Variants in BANK1 observed in about 807,000 individuals in gnomAD.
BANK1 encodes B cell scaffold protein with ankyrin repeats 1.
In BANK1, 95 loss-of-function variants were observed where a neutral mutation model predicts 94.5. The ratio of observed to expected loss-of-function variants is 1.00; its 90% CI spans 0.85 to 1.19. The LOEUF (loss-of-function observed/expected upper bound fraction) is 1.19. Among genes scored for constraint, BANK1 ranks in the 50% most tolerant of loss-of-function variants. The probability of loss-of-function intolerance (pLI) is 0.00; values close to 1 mark genes in which losing one functional copy is unlikely to be tolerated. For synonymous variants in BANK1, 334 were observed against 308.4 expected (o/e 1.08, Z -0.87); for missense variants, 987 against 932.2 (o/e 1.06, Z -0.77).
rs1725789144 is a variant in BANK1, at chr4:101,813,435, T to C, written c.71-16373T>C. On this transcript the variant is annotated intron_variant, in intron 1 of 16. Transcript: ENST00000322953. ...TGACTGTAATCATCTACTATGATAC[T>C]GGAAATACTGTCAGTATAAAAAAGC... Among the ~76,000 whole-genome samples the C allele has an allele frequency of 2.6e-5, 4 of 152,308 alleles. No homozygotes were observed. The South Asian group carries it at 6.2e-4, about 24-fold the overall frequency.
intron 13 of BANK1, among the ~76,000 whole-genome samples, chr4:102,067,807 T>C (rs1010824305): frequency 6.6e-5 from 10 of 152,002 alleles, no homozygotes; most frequent in Admixed American, 1.3e-4. Context: ...CTTGACCCAA[T>C]TGACATTTAC....
chr4:101,818,746 C>T (rs575378073), intron 1 of BANK1, among the ~76,000 whole-genome samples: 1 of 152,086 alleles, frequency 6.6e-6, no homozygotes, highest in East Asian at 1.9e-4. Flanking sequence ...ATAAATTAAA[C>T]TTTATCATAG....
chr4:101,792,461 GT>G (rs1725023501), intron 1 of BANK1, among the ~76,000 whole-genome samples: 1 of 97,394 alleles, frequency 1.0e-5, no homozygotes, highest in Non-Finnish European at 2.5e-5. Context: ...GTGTGTGTGT[GT>G]GTGTGTGTTT....
At position 102,060,336 on chromosome 4, in the gene BANK1, G is replaced by C. The variant is rs1474819912; in HGVS notation, c.2095G>C (p.Glu699Gln). ...GAAAATGTCTATGGATGAAGCTCTG[G>C]AGAAATTTAAACACTGGCAGATGGG... ...NGKMSMDEAL[E>Q]KFKHWQMGKS... Residue 699 changes from glutamate to glutamine, a missense_variant, in exon 12 of 17, where the codon GAG (glutamate) becomes CAG (glutamine). Coordinates refer to ENST00000322953, the MANE Select transcript of BANK1 (RefSeq NM_017935.5). 6.2e-7 allele frequency: 1 copy of C among 1,611,004 alleles called. No homozygotes were observed. The highest frequency in any genetic ancestry group is 1.7e-5 in the Admixed American group (1 of 59,392).
chr4:102,061,208 A>C (rs528722927), intron 12 of BANK1, among the ~76,000 whole-genome samples: 2 of 152,198 alleles, frequency 1.3e-5, no homozygotes, highest in Non-Finnish European at 2.9e-5. Flanking sequence ...ATTTTTGTTT[A>C]AAAGACGATG....
intron 7 of BANK1, among the ~76,000 whole-genome samples, chr4:101,960,824 A>G (rs1198772133): frequency 6.6e-6 from 1 of 152,186 alleles, no homozygotes; most frequent in Non-Finnish European, 1.5e-5. Context: ...AAAGACTGAG[A>G]GTAAAGCAGC....
chr4:101,894,205 A>G (rs1302055274), intron 5 of BANK1, among the ~76,000 whole-genome samples: 1 of 152,056 alleles, frequency 6.6e-6, no homozygotes, highest in Non-Finnish European at 1.5e-5. Context: ...TTTGGAAGGC[A>G]GAGCTTTTTG....
At chr4:101,986,239 T>C (rs1725477911) in intron 7 of BANK1, among the ~76,000 whole-genome samples, 1 of 152,108 alleles carries the variant, frequency 6.6e-6, no homozygotes, top group Non-Finnish European at 1.5e-5. Context: ...AAGACACACA[T>C]GTTCCTAAAA....
rs1206728633 is a variant in BANK1 at position 101,832,677 on chromosome 4, C to G, written c.469+2471C>G. 2.6e-5 allele frequency among the ~76,000 whole-genome samples: 4 copies of G among 152,096 alleles called. No homozygotes were observed. The East Asian group carries it at 7.7e-4, about 29-fold the overall frequency. On this transcript the variant is annotated intron_variant, in intron 2 of 16. Transcript: ENST00000322953. ...CATCTCTTGTTCTTAATTCACTCAC[C>G]TCTCTCTAACTTCTTGCATATCTGC... is the stretch of plus-strand genomic sequence containing the variant.
intron 1 of BANK1, among the ~76,000 whole-genome samples, chr4:101,791,396 A>G (rs565226887): frequency 6.6e-6 from 1 of 152,336 alleles, no homozygotes; most frequent in East Asian, 1.9e-4. Context: ...GACAAATCCC[A>G]GCCTGGTGAA....
chr4:101,957,720 G>T (rs576484201), intron 7 of BANK1, among the ~76,000 whole-genome samples: 1 of 152,126 alleles, frequency 6.6e-6, no homozygotes, highest in African/African-American at 2.4e-5. Flanking sequence ...TGAAGATCCT[G>T]ATGCTGTAAG....
In BANK1 at chr4:102,025,251, A is replaced by C. The variant is rs769451435; in HGVS notation, c.1336A>C (p.Ser446Arg). 5.6e-6 allele frequency: 9 copies of C among 1,614,190 alleles called. No homozygotes were observed. In the South Asian group the frequency reaches 7.7e-5, roughly 14 times the overall value. The part of the protein sequence containing the change: ...HHESRKTYGQ[S>R]ADGAEANEME... The stretch of plus-strand genomic sequence containing the variant: ...TGAAAGCAGGAAGACATACGGGCAG[A>C]GTGCAGATGGAGCTGAGGCAAATGA... Residue 446 changes from serine to arginine, a missense_variant, in exon 9 of 17, where the codon AGT (serine) becomes CGT (arginine). Coordinates refer to ENST00000322953, the MANE Select transcript of BANK1 (RefSeq NM_017935.5).
intron 7 of BANK1, among the ~76,000 whole-genome samples, chr4:101,986,663 C>G (rs1408127288): frequency 6.6e-6 from 1 of 151,200 alleles, no homozygotes; most frequent in African/African-American, 2.4e-5. Context: ...ATCACCAATA[C>G]CACCTCATAA....
chr4:102,070,859 T>A (rs1392286466), intron 13 of BANK1, among the ~76,000 whole-genome samples: 1 of 152,202 alleles, frequency 6.6e-6, no homozygotes, highest in Non-Finnish European at 1.5e-5. Context: ...CTAATTAAGT[T>A]GGTGGGTACA....
intron 10 of BANK1, among the ~76,000 whole-genome samples, chr4:102,035,467 T>C (rs1727471586): frequency 1.3e-5 from 2 of 152,004 alleles, no homozygotes; most frequent in Admixed American, 1.3e-4. Flanking sequence ...GCTAACACGG[T>C]GAAACCCCGT....
At chr4:102,055,556 T>C (rs1185103345) in intron 11 of BANK1, among the ~76,000 whole-genome samples, 2 of 152,082 alleles carry the variant, frequency 1.3e-5, no homozygotes, top group Admixed American at 1.3e-4. Context: ...TTCTCCATTA[T>C]TTTTAGATGA....
At chr4:102,053,871 ATTACT>A (rs972811584) in intron 11 of BANK1, among the ~76,000 whole-genome samples, 3 of 151,820 alleles carry the variant, frequency 2.0e-5, no homozygotes, top group Admixed American at 6.6e-5. Context: ...TTTTTCATTC[ATTACT>A]TTATTAATAA....
At chr4:101,938,412 T>C (rs1191350351) in intron 7 of BANK1, among the ~76,000 whole-genome samples, 1 of 151,480 alleles carries the variant, frequency 6.6e-6, no homozygotes, top group African/African-American at 2.4e-5. Flanking sequence ...CTACAGTCAA[T>C]AATAATTGTA....
chr4:102,017,574 A>G (rs976635791), intron 7 of BANK1, among the ~76,000 whole-genome samples: 16 of 152,194 alleles, frequency 1.1e-4, no homozygotes, highest in African/African-American at 3.6e-4. Flanking sequence ...ACAGAAGCCA[A>G]CCCTCCATCG....
Sources: allele counts gnomAD v4.1 joint callset (sites outside exome capture counted in the v4.1 genomes callset), GRCh38; gene constraint gnomAD v4.1.1; transcripts MANE v1.5; gene names NCBI Gene and HGNC (gene_info 2026-07-23, HGNC 2026-07-21).